The following TENM3 variants were observed in gnomAD, a reference collection of about 807,000 sequenced individuals.
TENM3 encodes the protein teneurin-3.
Under a neutral mutation model 255.1 loss-of-function variants are expected in TENM3, and 63 were observed. That is an observed-to-expected ratio of 0.25 (90% CI 0.20 to 0.30). The LOEUF (loss-of-function observed/expected upper bound fraction) is 0.30. TENM3 is among the 10% of genes least tolerant of loss of function. The probability of loss-of-function intolerance (pLI) is 1.00; values close to 1 mark genes in which losing one functional copy is unlikely to be tolerated. For missense variants in TENM3, 2,929 were observed against 3,461.1 expected, an observed-to-expected ratio of 0.85 and a Z score of 3.86; for synonymous variants, 1,306 against 1,322.3, an observed-to-expected ratio of 0.99 and a Z score of 0.27.
At position 182,754,808 on chromosome 4, in the gene TENM3, C is replaced by T. The variant is rs765465951; in HGVS notation, c.4441C>T (p.Pro1481Ser). Reference sequence around the variant, plus strand: ...TGCCCCATCCTCCCTGGCTGCTTCTCCAGATGGTACACTGTATATTGCAGA... The same window carrying T: ...TGCCCCATCCTCCCTGGCTGCTTCTTCAGATGGTACACTGTATATTGCAGA... ...LSAPSSLAAS[P>S]DGTLYIADLG... The change falls in exon 22 of 28, where the codon CCA (proline) becomes TCA (serine). Residue 1481 changes from proline (P) to serine (S), a missense_variant. Around this residue, in one of 6 missense-constraint regions of TENM3, gnomAD observed 1,608 missense variants for 1,884.4 expected, o/e 0.85. Coordinates refer to ENST00000511685, the MANE Select transcript of TENM3 (RefSeq NM_001080477.4). The surrounding 1 kb of genome is among the most constrained non-coding windows in gnomAD (Gnocchi z 5.1). 7 of 1,614,054 alleles carry T rather than the reference C, an allele frequency of 4.3e-6. No homozygotes were observed. The highest frequency in any genetic ancestry group is 1.1e-5 in the South Asian group (1 of 91,086).
At chr4:181,797,145 T>A in the TENM3 span, among the ~76,000 whole-genome samples, 208 of 144,296 alleles carry the variant, frequency 1.4e-3, 4 homozygotes, top group Middle Eastern at 0.011. Flanking sequence ...AAAGGGAGGG[T>A]TTTTTTTTTA....
chr4:181,732,770 A>C, the TENM3 span, among the ~76,000 whole-genome samples: 1 of 151,622 alleles, frequency 6.6e-6, no homozygotes, highest in Non-Finnish European at 1.5e-5. Flanking sequence ...TTGAGGTGGG[A>C]TGAGTAGGGG....
intron 3 of TENM3, among the ~76,000 whole-genome samples, chr4:182,569,677 T>C (rs572514129): frequency 6.6e-6 from 1 of 152,240 alleles, no homozygotes; most frequent in South Asian, 2.1e-4. Context: ...TTACGAAATG[T>C]GACAGGACGT....
At chr4:182,344,620 AAG>A (rs567792505) in intron 2 of TENM3, among the ~76,000 whole-genome samples, 318 of 152,278 alleles carry the variant, frequency 2.1e-3, no homozygotes, top group African/African-American at 7.4e-3. Flanking sequence ...AGAGATTAGA[AAG>A]AGAGTTGTTA....
At chr4:182,796,530 CA>C in intron 26 of TENM3, 106 bp from the exon 27 acceptor site, 2 of 1,099,442 alleles carry the variant, frequency 1.8e-6, no homozygotes, top group Non-Finnish European at 2.5e-6. Flanking sequence ...TGCTCTTTTT[CA>C]GATTATTAAT....
At chr4:182,595,791 CA>C in intron 3 of TENM3, among the ~76,000 whole-genome samples, 1 of 151,490 alleles carries the variant, frequency 6.6e-6, no homozygotes, top group East Asian at 1.9e-4. Context: ...TATCTAAGAG[CA>C]TTGCTAATCA....
chr4:182,144,370 TC>T (rs1205059708), upstream of TENM3: 2 of 152,270 alleles, frequency 1.3e-5, no homozygotes, highest in East Asian at 2.0e-4. Context: ...CTCCCTCGCC[TC>T]CCCGGTCCTC....
At chr4:181,591,720 G>A in the TENM3 span, among the ~76,000 whole-genome samples, 3 of 152,132 alleles carry the variant, frequency 2.0e-5, no homozygotes, top group Non-Finnish European at 2.9e-5. Flanking sequence ...CACATGCAAG[G>A]GATCCAGGTT....
At chr4:181,891,046 T>C in the TENM3 span, among the ~76,000 whole-genome samples, 1 of 152,194 alleles carries the variant, frequency 6.6e-6, no homozygotes, top group Non-Finnish European at 1.5e-5. Flanking sequence ...GCTTTCTCTT[T>C]TGAAGGCATA....
chr4:181,980,777 T>C, the TENM3 span, among the ~76,000 whole-genome samples: 1 of 152,206 alleles, frequency 6.6e-6, no homozygotes, highest in Non-Finnish European at 1.5e-5. Flanking sequence ...TGGTAATTCC[T>C]TTACTGTTAT....
In TENM3 at chr4:182,583,793, A is replaced by G. The variant is rs139544993; in HGVS notation, c.512-17131A>G. Among the ~76,000 whole-genome samples the G allele has an allele frequency of 2.7e-3, 413 of 152,312 alleles. 1 individual carries two copies. Among genetic ancestry groups the G allele is most frequent in the African/African-American group, 9.1e-3 (380 of 41,580 alleles). Reference sequence around the variant, plus strand: ...TTTTGGCAATACAAACCCAGTTATCATTTAATTGTTAGCATGTGTTTTCTA... The same window carrying G: ...TTTTGGCAATACAAACCCAGTTATCGTTTAATTGTTAGCATGTGTTTTCTA... On this transcript the variant is annotated intron_variant, in intron 3 of 27. Coordinates refer to ENST00000511685, the MANE Select transcript of TENM3 (RefSeq NM_001080477.4).
chr4:182,091,941 A>G, the TENM3 span, among the ~76,000 whole-genome samples: 2 of 152,302 alleles, frequency 1.3e-5, no homozygotes, highest in African/African-American at 4.8e-5. Context: ...TTTGTTCTTT[A>G]AAAGAATAAA....
At chr4:181,892,699 G>A in the TENM3 span, among the ~76,000 whole-genome samples, 2 of 151,920 alleles carry the variant, frequency 1.3e-5, no homozygotes, top group African/African-American at 4.8e-5. Flanking sequence ...CCTACACATC[G>A]TTAATACTCA....
chr4:182,728,168 A>G (rs1462899019), intron 13 of TENM3, among the ~76,000 whole-genome samples: 1 of 152,112 alleles, frequency 6.6e-6, no homozygotes, highest in Non-Finnish European at 1.5e-5. Flanking sequence ...TTTTATTGAA[A>G]GGTGGTTGGC....
intron 3 of TENM3, among the ~76,000 whole-genome samples, chr4:182,355,115 CAG>C (rs1765431781): frequency 1.3e-5 from 2 of 152,110 alleles, no homozygotes; most frequent in African/African-American, 2.4e-5. Flanking sequence ...TTGTTGCCAA[CAG>C]AGACTGGGGG....
the TENM3 span, among the ~76,000 whole-genome samples, chr4:181,505,148 C>T: frequency 6.6e-6 from 1 of 152,152 alleles, no homozygotes; most frequent in African/African-American, 2.4e-5. Flanking sequence ...CTGTGAGAAG[C>T]CCAGTCTCTG....
At chr4:182,051,236 G>C in the TENM3 span, among the ~76,000 whole-genome samples, 8 of 151,772 alleles carry the variant, frequency 5.3e-5, no homozygotes, top group South Asian at 8.3e-4. Context: ...CCAGCTACTC[G>C]GGAGGCTAAG....
the TENM3 span, among the ~76,000 whole-genome samples, chr4:181,997,543 G>A: frequency 2.6e-5 from 4 of 151,992 alleles, no homozygotes; most frequent in African/African-American, 9.7e-5. Context: ...TGAAAGGCCC[G>A]ATCAAAACAC....
intron 3 of TENM3, among the ~76,000 whole-genome samples, chr4:182,517,671 C>T (rs767000236): frequency 2.3e-5 from 3 of 129,950 alleles, no homozygotes; most frequent in Non-Finnish European, 5.0e-5. Flanking sequence ...GCGTGAGCCA[C>T]CGCGCCCGGC....
Sources: gnomAD v4.1 joint callset for allele counts (sites outside exome capture counted in the v4.1 genomes callset) on GRCh38, gnomAD v4.1.1 for gene constraint, gnomAD v4.1.1 regional missense constraint, Gnocchi (gnomAD v3.1) non-coding constraint, MANE v1.5 for transcripts, NCBI Gene and HGNC (gene_info 2026-07-23, HGNC 2026-07-21) for gene names.